GRID2: variants seen among roughly 807,000 people sequenced by gnomAD.
GRID2 encodes the protein glutamate ionotropic receptor delta type subunit 2.
In GRID2, 33 loss-of-function variants were observed where a neutral mutation model predicts 114.8. That is an observed-to-expected ratio of 0.29 (90% CI 0.22 to 0.38). The LOEUF (loss-of-function observed/expected upper bound fraction) is 0.38, where lower values mean the gene tolerates loss of function less well. Among genes scored for constraint, GRID2 ranks in the 10% least tolerant of loss-of-function variants. The probability of loss-of-function intolerance (pLI) is 1.00; values close to 1 mark genes in which losing one functional copy is unlikely to be tolerated. For synonymous variants in GRID2, 505 were observed against 449.9 expected, an observed-to-expected ratio of 1.12 and a Z score of -1.55; for missense variants, 1,184 against 1,257.7, an observed-to-expected ratio of 0.94 and a Z score of 0.89.
At chr4:92,675,462 C>T (rs1733296983) in intron 2 of GRID2, among the ~76,000 whole-genome samples, 1 of 151,904 alleles carries the variant, frequency 6.6e-6, no homozygotes, top group African/African-American at 2.4e-5. Flanking sequence ...ATTTCAGCTG[C>T]CACAGGCCAC....
intron 13 of GRID2, among the ~76,000 whole-genome samples, chr4:93,589,508 A>C (rs2149608962): frequency 6.6e-6 from 1 of 152,264 alleles, no homozygotes; most frequent in South Asian, 2.1e-4. Context: ...TGCCGCAATA[A>C]ACATACATCT....
At chr4:92,811,820 T>A (rs192214416) in intron 2 of GRID2, among the ~76,000 whole-genome samples, 2 of 152,184 alleles carry the variant, frequency 1.3e-5, no homozygotes, top group East Asian at 3.9e-4. Context: ...CTGTTAACAA[T>A]TTAAAAGTAG....
chr4:93,028,159 C>T (rs1317414281), intron 2 of GRID2, among the ~76,000 whole-genome samples: 2 of 152,120 alleles, frequency 1.3e-5, no homozygotes, highest in Non-Finnish European at 2.9e-5. Flanking sequence ...AAATTAGACG[C>T]AGTCCATGAG....
At chr4:93,098,250 C>A (rs1175825086) in intron 3 of GRID2, among the ~76,000 whole-genome samples, 8 of 151,988 alleles carry the variant, frequency 5.3e-5, no homozygotes, top group Admixed American at 2.0e-4. Flanking sequence ...ACCAACCCTT[C>A]CAATTTTGCA....
At chr4:93,000,890 G>C (rs912286982) in intron 2 of GRID2, among the ~76,000 whole-genome samples, 1 of 151,188 alleles carries the variant, frequency 6.6e-6, no homozygotes, top group African/African-American at 2.4e-5. Context: ...CCAAACCTCA[G>C]TAATACACAA....
At chr4:92,546,223 C>G (rs1297702786) in intron 1 of GRID2, among the ~76,000 whole-genome samples, 1 of 152,034 alleles carries the variant, frequency 6.6e-6, no homozygotes, top group Non-Finnish European at 1.5e-5. Flanking sequence ...TGTGTGTGAT[C>G]ATTATTGTAG....
intron 2 of GRID2, among the ~76,000 whole-genome samples, chr4:92,656,741 C>T (rs758157358): frequency 2.0e-5 from 3 of 151,640 alleles, no homozygotes; most frequent in Non-Finnish European, 4.4e-5. Flanking sequence ...TGCTGAATCC[C>T]TGAGAAATGT....
chr4:92,907,539 G>A (rs1481066906), intron 2 of GRID2, among the ~76,000 whole-genome samples: 2 of 151,978 alleles, frequency 1.3e-5, no homozygotes, highest in Non-Finnish European at 2.9e-5. Context: ...AGTCCCCCGA[G>A]TAGCTGGGAT....
Position 93,631,154 on chromosome 4 carries a change from C to T in GRID2, c.2360+4719C>T, listed in dbSNP as rs548976027. Among the ~76,000 whole-genome samples, 4 of 152,142 alleles carry T rather than the reference C, an allele frequency of 2.6e-5. No homozygotes were observed. The South Asian group carries it at 8.3e-4, about 32-fold the overall frequency. On this transcript the variant is annotated intron_variant, in intron 14 of 15. Coordinates refer to ENST00000282020, the MANE Select transcript of GRID2 (RefSeq NM_001510.4). ...GTCTCTTAACCATTCTGCTATACTG[C>T]GTTTCACAAAAATGACACACACTTT...
At chr4:93,794,525 C>A (rs4693344) in intron 1 of GRID2, among the ~76,000 whole-genome samples, 128,779 of 152,068 alleles carry the variant, frequency 0.85, 54,599 homozygotes, top group East Asian at 0.95. Flanking sequence ...CCTTCATGGC[C>A]AATGAGTCTG....
chr4:92,667,123 C>T (rs1369173663), intron 2 of GRID2, among the ~76,000 whole-genome samples: 1 of 151,584 alleles, frequency 6.6e-6, no homozygotes, highest in East Asian at 1.9e-4. Context: ...CCAAAATCTT[C>T]TTCAGTTTAC....
intron 13 of GRID2, among the ~76,000 whole-genome samples, chr4:93,598,659 A>G (rs916790342): frequency 6.6e-6 from 1 of 152,192 alleles, no homozygotes; most frequent in Non-Finnish European, 1.5e-5. Flanking sequence ...GCATTTTAGT[A>G]TGTTTTGTAT....
intron 8 of GRID2, among the ~76,000 whole-genome samples, chr4:93,278,575 G>A (rs1161251699): frequency 6.6e-6 from 1 of 151,914 alleles, no homozygotes; most frequent in African/African-American, 2.4e-5. Flanking sequence ...CCACAAAATA[G>A]TTTCAGGATG....
At chr4:93,473,129 A>G (rs751619040) in intron 11 of GRID2, among the ~76,000 whole-genome samples, 1 of 152,112 alleles carries the variant, frequency 6.6e-6, no homozygotes, top group East Asian at 1.9e-4. Context: ...TTTACTGTCT[A>G]TATAAGACTA....
intron 2 of GRID2, among the ~76,000 whole-genome samples, chr4:92,904,641 A>G (rs1396931686): frequency 1.3e-5 from 2 of 152,008 alleles, no homozygotes; most frequent in African/African-American, 2.4e-5. Context: ...GACCTCAAAA[A>G]TAATGCTTAT....
At chr4:93,386,788 A>C (rs1252595537) in intron 8 of GRID2, among the ~76,000 whole-genome samples, 2 of 152,166 alleles carry the variant, frequency 1.3e-5, no homozygotes, top group Admixed American at 6.5e-5. Flanking sequence ...ACTAAGTCAG[A>C]ATGGAGAAAA....
intron 13 of GRID2, among the ~76,000 whole-genome samples, chr4:93,606,009 G>A (rs890829042): frequency 2.0e-5 from 3 of 152,188 alleles, no homozygotes; most frequent in African/African-American, 4.8e-5. Flanking sequence ...GCTCACGCCT[G>A]TAACCCCAGC....
Position 93,310,093 on chromosome 4 carries a change from T to C in GRID2, c.1245+71603T>C, listed in dbSNP as rs79114040. Among the ~76,000 whole-genome samples the C allele has an allele frequency of 3.7e-3, 565 of 152,324 alleles. 5 individuals are homozygous for C. The highest frequency in any genetic ancestry group is 0.013 in the African/African-American group (547 of 41,562). Reference sequence around the variant, plus strand: ...TTGATACAACAAGCATTATCAGTTTTATCTTGTTTGTTTATTCCACAGATA... The same window carrying C: ...TTGATACAACAAGCATTATCAGTTTCATCTTGTTTGTTTATTCCACAGATA... On this transcript the variant is annotated intron_variant, in intron 8 of 15. Coordinates refer to ENST00000282020, the MANE Select transcript of GRID2 (RefSeq NM_001510.4).
chr4:93,265,780 C>G (rs1001607891), intron 8 of GRID2, among the ~76,000 whole-genome samples: 2 of 152,160 alleles, frequency 1.3e-5, no homozygotes, highest in African/African-American at 4.8e-5. Context: ...AAGCGAAAAT[C>G]TTAAGGAGCA....
Sources: gnomAD v4.1 joint callset for allele counts (sites outside exome capture counted in the v4.1 genomes callset) on GRCh38, gnomAD v4.1.1 for gene constraint, MANE v1.5 for transcripts, NCBI Gene and HGNC (gene_info 2026-07-23, HGNC 2026-07-21) for gene names.